Variants in ROBO1 observed in about 807,000 individuals in gnomAD.
ROBO1 encodes the protein roundabout guidance receptor 1, also known as roundabout homolog 1.
A neutral mutation model predicts 195.9 loss-of-function variants in ROBO1; 149 were observed. The ratio of observed to expected loss-of-function variants is 0.76; its 90% CI spans 0.67 to 0.87. The LOEUF (loss-of-function observed/expected upper bound fraction) is 0.87, where lower values mean the gene tolerates loss of function less well. Ranked by LOEUF, ROBO1 falls within the 40% of genes least tolerant of loss-of-function variation. The probability of loss-of-function intolerance (pLI) is 0.00; values close to 1 mark genes in which losing one functional copy is unlikely to be tolerated. For synonymous variants in ROBO1, 816 were observed against 733.2 expected, an observed-to-expected ratio of 1.11 and a Z score of -1.82; for missense variants, 1,933 against 2,068.3, an observed-to-expected ratio of 0.93 and a Z score of 1.27.
At chr3:78,675,690 C>A (rs1471340255) in intron 10 of ROBO1, among the ~76,000 whole-genome samples, 1 of 152,180 alleles carries the variant, frequency 6.6e-6, no homozygotes, top group Non-Finnish European at 1.5e-5. Context: ...CTGGGTGGAG[C>A]CCACCACAGC....
intron 4 of ROBO1, among the ~76,000 whole-genome samples, chr3:78,815,739 T>C (rs951177029): frequency 2.6e-5 from 4 of 152,202 alleles, no homozygotes; most frequent in African/African-American, 9.6e-5. Flanking sequence ...GTTTAATTTT[T>C]TTAATGAGAT....
chr3:78,858,802 A>T (rs2034615017), intron 4 of ROBO1, among the ~76,000 whole-genome samples: 1 of 148,646 alleles, frequency 6.7e-6, no homozygotes, highest in South Asian at 2.2e-4. Context: ...AAGAAAAAGG[A>T]AAATAGAAAG....
chr3:79,284,481 A>G (rs895925980), intron 2 of ROBO1, among the ~76,000 whole-genome samples: 1 of 152,202 alleles, frequency 6.6e-6, no homozygotes, highest in African/African-American at 2.4e-5. Context: ...TTAAAGTAAA[A>G]TTAAAAAACA....
intron 2 of ROBO1, among the ~76,000 whole-genome samples, chr3:79,407,395 C>T (rs4234350): frequency 0.33 from 50,523 of 151,998 alleles, 9,885 homozygotes; most frequent in Admixed American, 0.48. Context: ...GTGTATAATA[C>T]AATTCTGCCT....
At chr3:79,352,240 G>C (rs1306276746) in intron 2 of ROBO1, among the ~76,000 whole-genome samples, 1 of 152,062 alleles carries the variant, frequency 6.6e-6, no homozygotes, top group African/African-American at 2.4e-5. Context: ...CAATGTCTTG[G>C]CAAATATATT....
At chr3:79,297,741 T>C (rs1460492598) in intron 2 of ROBO1, among the ~76,000 whole-genome samples, 1 of 152,176 alleles carries the variant, frequency 6.6e-6, no homozygotes, top group Non-Finnish European at 1.5e-5. Context: ...TATTGAAATA[T>C]GGTGAGATCA....
intron 1 of ROBO1, among the ~76,000 whole-genome samples, chr3:79,642,702 T>C (rs1945702376): frequency 6.6e-6 from 1 of 152,094 alleles, no homozygotes; most frequent in African/African-American, 2.4e-5. Flanking sequence ...AAGTATGTCC[T>C]AGACAAACAA....
Position 79,107,127 on chromosome 3 carries a change from TCACACA to T in ROBO1, c.172+18323_172+18328del, listed in dbSNP as rs369021063. Among the ~76,000 whole-genome samples the T allele has an allele frequency of 4.3e-3, 588 of 136,446 alleles. 2 individuals are homozygous for T. Among genetic ancestry groups the T allele is most frequent in the East Asian group, 0.018 (81 of 4,612 alleles). 89.5% of individuals were successfully genotyped at this position (136,446 alleles called of 152,430 possible). A position where few individuals can be genotyped will look rare whatever the true frequency, so the allele number is the denominator to read the frequency against. On this transcript the variant is annotated intron_variant, in intron 3 of 30. Coordinates refer to ENST00000464233, the MANE Select transcript of ROBO1 (RefSeq NM_002941.4). ...CTCTTTCTCTCTCTCTCTCTCTCTC[TCACACA>T]CACACACACACACACACACACACAC...
In ROBO1 at chr3:78,774,437, A is replaced by G. The variant is rs190112479; in HGVS notation, c.500-27537T>C. Among the ~76,000 whole-genome samples the G allele has an allele frequency of 5.9e-3, 896 of 152,146 alleles. 2 individuals carry two copies. Among genetic ancestry groups the G allele is most frequent in the Non-Finnish European group, 0.01 (703 of 67,986 alleles). On this transcript the variant is annotated intron_variant, in intron 4 of 30. Coordinates refer to ENST00000464233, the MANE Select transcript of ROBO1 (RefSeq NM_002941.4). Reference sequence around the variant, plus strand: ...GCCATTCTCCTGCCTCAGCCTCCCAAGTAGCTGGGACTACAGGCGCCTGCC... The same window carrying G: ...GCCATTCTCCTGCCTCAGCCTCCCAGGTAGCTGGGACTACAGGCGCCTGCC...
intron 2 of ROBO1, among the ~76,000 whole-genome samples, chr3:79,197,250 C>T (rs1263771415): frequency 2.6e-5 from 4 of 151,862 alleles, no homozygotes; most frequent in Admixed American, 2.0e-4. Context: ...CATGTGTTCT[C>T]ATTGTTCAAC....
At chr3:79,287,018 A>C (rs142910213) in intron 2 of ROBO1, among the ~76,000 whole-genome samples, 2 of 152,264 alleles carry the variant, frequency 1.3e-5, no homozygotes, top group African/African-American at 4.8e-5. Flanking sequence ...CATTGTACAT[A>C]TATGTCCTTT....
chr3:79,611,742 T>TG (rs1193859472), intron 1 of ROBO1, among the ~76,000 whole-genome samples: 1 of 150,978 alleles, frequency 6.6e-6, no homozygotes, highest in African/African-American at 2.4e-5. Context: ...TGTCAGGGAG[T>TG]GGGGGGACTA....
In ROBO1 at chr3:78,811,498, G is replaced by A. The variant is rs537983160; in HGVS notation, c.500-64598C>T. On this transcript the variant is annotated intron_variant, in intron 4 of 30. Coordinates refer to ENST00000464233, the MANE Select transcript of ROBO1 (RefSeq NM_002941.4). ...ACTGTGATCTTTTGACATTGTAACT[G>A]CTCTCCCAGGCCTGTGGAAACAGCT... 6.3e-4 allele frequency among the ~76,000 whole-genome samples: 96 copies of A among 152,202 alleles called. 1 individual carries two copies. In the South Asian group the frequency reaches 0.019, roughly 30 times the overall value.
At chr3:78,628,549 AG>A (rs1053882135) in intron 25 of ROBO1, among the ~76,000 whole-genome samples, 27 of 152,282 alleles carry the variant, frequency 1.8e-4, no homozygotes, top group African/African-American at 5.8e-4. Flanking sequence ...ATCGATTATA[AG>A]GGCAATGAAG....
chr3:78,897,222 T>C (rs1414476230), intron 4 of ROBO1, among the ~76,000 whole-genome samples: 1 of 152,194 alleles, frequency 6.6e-6, no homozygotes, highest in Non-Finnish European at 1.5e-5. Flanking sequence ...TTTCAGAATT[T>C]CAAAGCTCAG....
At chr3:78,837,358 CCAAA>C (rs1378385195) in intron 4 of ROBO1, among the ~76,000 whole-genome samples, 30 of 152,072 alleles carry the variant, frequency 2.0e-4, no homozygotes, top group Admixed American at 1.5e-3. Flanking sequence ...TATGATACTA[CCAAA>C]CAATGGGGAC....
In ROBO1 at chr3:78,988,871, A is replaced by G. The variant is rs968635184; in HGVS notation, c.173-49944T>C. Among the ~76,000 whole-genome samples, 14 of 152,306 alleles carry G rather than the reference A, an allele frequency of 9.2e-5. No individual in the cohort carries two copies. In the East Asian group the frequency reaches 2.7e-3, roughly 29 times the overall value. On this transcript the variant is annotated intron_variant, in intron 3 of 30. Transcript: ENST00000464233. ...GGTATGGAAAGATCACATATCACAT[A>G]CCTTGAGTTATGAGGAATGTGATAT...
intron 5 of ROBO1, among the ~76,000 whole-genome samples, chr3:78,734,870 C>G (rs1297840254): frequency 6.6e-6 from 1 of 152,096 alleles, no homozygotes; most frequent in Non-Finnish European, 1.5e-5. Flanking sequence ...ACTACCTTAC[C>G]TCTGCATCTA....
chr3:79,372,269 C>T (rs1459207041), intron 2 of ROBO1, among the ~76,000 whole-genome samples: 3 of 150,848 alleles, frequency 2.0e-5, no homozygotes, highest in East Asian at 3.9e-4. Flanking sequence ...TGCAGGAGCA[C>T]GATCTCAGTT....
Sources: gnomAD v4.1 joint callset for allele counts (sites outside exome capture counted in the v4.1 genomes callset) on GRCh38, gnomAD v4.1.1 for gene constraint, MANE v1.5 for transcripts, NCBI Gene and HGNC (gene_info 2026-07-23, HGNC 2026-07-21) for gene names.